GHR: variants seen among roughly 807,000 people sequenced by gnomAD.
GHR encodes GH receptor.
A neutral mutation model predicts 67.1 loss-of-function variants in GHR; 35 were observed. That is an observed-to-expected ratio of 0.52 (90% CI 0.40 to 0.69). The LOEUF (loss-of-function observed/expected upper bound fraction) is 0.69. Among genes scored for constraint, GHR ranks in the 30% least tolerant of loss-of-function variants. The pLI is 0.00. For missense variants in GHR, 792 were observed against 764.6 expected (o/e 1.04, Z -0.42); for synonymous variants, 272 against 269.1 (o/e 1.01, Z -0.10).
intron 3 of GHR, 38 bp downstream of exon 3, chr5:42,629,141 T>A: frequency 9.7e-7 from 1 of 1,034,700 alleles, no homozygotes. Flanking sequence ...TCAATGATAT[T>A]TTCCATGTTT....
chr5:42,455,632 T>C (rs1431429693), intron 1 of GHR, among the ~76,000 whole-genome samples: 1 of 152,234 alleles, frequency 6.6e-6, no homozygotes, highest in African/African-American at 2.4e-5. Flanking sequence ...GCTAAAAGTA[T>C]ACTCTGAAGC....
At chr5:42,713,767 G>T (rs752177726) in intron 8 of GHR, 2 of 426,206 alleles carry the variant, frequency 4.7e-6, no homozygotes, top group Non-Finnish European at 8.7e-6. Context: ...GGCTTAGGCT[G>T]GTGACTATGC....
chr5:42,655,430 G>C (rs1451884045), intron 3 of GHR, among the ~76,000 whole-genome samples: 2 of 152,116 alleles, frequency 1.3e-5, no homozygotes, highest in Non-Finnish European at 2.9e-5. Flanking sequence ...GGAACAGAAA[G>C]TGTTTGAATA....
rs1156623529 is a variant in GHR, at chr5:42,699,964, C to T, written c.580C>T (p.Leu194Phe). The T allele has an allele frequency of 8.1e-6, 13 of 1,602,640 alleles. No homozygotes were observed. The highest frequency in any genetic ancestry group is 1.0e-5 in the Non-Finnish European group (12 of 1,169,850). Residue 194 changes from leucine to phenylalanine, a missense_variant, in exon 6 of 10, where the codon CTT (leucine) becomes TTT (phenylalanine). Physicochemically the swap from Leu to Phe is conservative, Grantham distance 22 (BLOSUM62 0). Coordinates refer to ENST00000230882, the MANE Select transcript of GHR (RefSeq NM_000163.5). ...QKGWMVLEYE[L>F]QYKEVNETKW... ...AGGATGGATGGTTCTGGAGTATGAACTTCAATACAAAGAAGTAAATGAAAC... is the reference window on the plus strand; with the variant it reads ...AGGATGGATGGTTCTGGAGTATGAATTTCAATACAAAGAAGTAAATGAAAC...
chr5:42,647,877 G>A, intron 3 of GHR: 1 of 227,516 alleles, frequency 4.4e-6, no homozygotes, highest in Non-Finnish European at 8.9e-6. Context: ...TGGTCCAGTG[G>A]TTCTAGATTT....
chr5:42,513,736 C>G (rs953364284), intron 1 of GHR, among the ~76,000 whole-genome samples: 1 of 151,734 alleles, frequency 6.6e-6, no homozygotes, highest in South Asian at 2.1e-4. Context: ...GAGCCAAGAT[C>G]GCGCCATTGC....
rs372484716 is a variant in GHR at position 42,518,934 on chromosome 5, G to A, written c.-11-46930G>A. 3.3e-5 allele frequency among the ~76,000 whole-genome samples: 5 copies of A among 152,216 alleles called. No homozygotes were observed. In the East Asian group the frequency reaches 5.8e-4, roughly 18 times the overall value. On this transcript the variant is annotated intron_variant, in intron 1 of 9. Coordinates refer to ENST00000230882, the MANE Select transcript of GHR (RefSeq NM_000163.5). ...GTCATGTGACTTTTTCTTGGTATTC[G>A]AGAGCCAGGAGGCTCTTGTGGTCTA...
rs186067524 is a variant in GHR at position 42,518,528 on chromosome 5, A to G, written c.-11-47336A>G. ...TATAGTGCTTTCTCCTGGCAGAGTT[A>G]ACCTCATCTTCATCAGCTTTTCCCC... is the stretch of plus-strand genomic sequence containing the variant. On this transcript the variant is annotated intron_variant, in intron 1 of 9. Coordinates refer to ENST00000230882, the MANE Select transcript of GHR (RefSeq NM_000163.5). Among the ~76,000 whole-genome samples, 235 of 152,290 alleles carry G rather than the reference A, an allele frequency of 1.5e-3. 2 individuals are homozygous for G. The highest frequency in any genetic ancestry group is 5.2e-3 in the African/African-American group (218 of 41,578).
intron 2 of GHR, among the ~76,000 whole-genome samples, chr5:42,615,838 C>G (rs979423290): frequency 6.6e-6 from 1 of 151,830 alleles, no homozygotes; most frequent in East Asian, 1.9e-4. Context: ...ATATGCCAAT[C>G]TATTGTAAGA....
intron 1 of GHR, among the ~76,000 whole-genome samples, chr5:42,451,770 C>T (rs1040653423): frequency 2.0e-5 from 3 of 151,390 alleles, no homozygotes; most frequent in African/African-American, 7.3e-5. Flanking sequence ...TCTTTTTCCA[C>T]TTCTTTACCT....
rs1344860776 is a variant in GHR at position 42,579,151 on chromosome 5, T to TAG, written c.70+13208_70+13209insGA. Among the ~76,000 whole-genome samples the TAG allele has an allele frequency of 8.2e-3, 716 of 87,720 alleles. 5 individuals are homozygous for TAG. Among genetic ancestry groups the TAG allele is most frequent in the East Asian group, 0.018 (68 of 3,678 alleles). The allele number at this position is 87,720 out of a possible 152,430, so 57.5% of individuals were successfully genotyped here. On this transcript the variant is annotated intron_variant, in intron 2 of 9. Transcript: ENST00000230882. ...GATAGATAGATAGATGATAGATAGATATAGATAGATAGATAGATAGATAGA... is the reference window on the plus strand; with the variant it reads ...GATAGATAGATAGATGATAGATAGATAGATAGATAGATAGATAGATAGATAGA...
At position 42,510,834 on chromosome 5, in the gene GHR, C is replaced by T. The variant is rs899715612; in HGVS notation, c.-11-55030C>T. Among the ~76,000 whole-genome samples, 5 of 152,102 alleles carry T rather than the reference C, an allele frequency of 3.3e-5. 1 individual carries two copies. The South Asian group carries it at 8.3e-4, about 25-fold the overall frequency. On this transcript the variant is annotated intron_variant, in intron 1 of 9. Coordinates refer to ENST00000230882, the MANE Select transcript of GHR (RefSeq NM_000163.5). ...GATAGCTTTGCCTGGTGGGAGAGGGCGTATTTCTTGGGAGACACCTCTGGG... is the reference window on the plus strand; with the variant it reads ...GATAGCTTTGCCTGGTGGGAGAGGGTGTATTTCTTGGGAGACACCTCTGGG...
chr5:42,487,174 C>G (rs1745922062), intron 1 of GHR, among the ~76,000 whole-genome samples: 3 of 152,198 alleles, frequency 2.0e-5, no homozygotes, highest in Non-Finnish European at 4.4e-5. Context: ...TACTTAAGGA[C>G]TTTGTTATGT....
intron 1 of GHR, among the ~76,000 whole-genome samples, chr5:42,543,376 G>C (rs1271146971): frequency 6.6e-6 from 1 of 152,034 alleles, no homozygotes; most frequent in Non-Finnish European, 1.5e-5. Flanking sequence ...ATATCATTAT[G>C]GTTTTAATTT....
At chr5:42,532,634 A>G (rs1748025905) in intron 1 of GHR, among the ~76,000 whole-genome samples, 1 of 152,134 alleles carries the variant, frequency 6.6e-6, no homozygotes. Flanking sequence ...CTTTTACTAC[A>G]TATATGAAGC....
chr5:42,448,412 C>G (rs1743905193), intron 1 of GHR, among the ~76,000 whole-genome samples: 1 of 151,934 alleles, frequency 6.6e-6, no homozygotes, highest in Admixed American at 6.6e-5. Context: ...ATTGTCTATT[C>G]ATGTCCTTTG....
At chr5:42,520,935 C>T (rs1290895511) in intron 1 of GHR, among the ~76,000 whole-genome samples, 1 of 152,156 alleles carries the variant, frequency 6.6e-6, no homozygotes, top group Non-Finnish European at 1.5e-5. Context: ...ATCACATCAC[C>T]TATTGGACTA....
intron 1 of GHR, among the ~76,000 whole-genome samples, chr5:42,474,746 G>C (rs1160926282): frequency 6.6e-6 from 1 of 152,018 alleles, no homozygotes; most frequent in Non-Finnish European, 1.5e-5. Flanking sequence ...AATCAAAGAG[G>C]AATGGGTAGT....
intron 6 of GHR, among the ~76,000 whole-genome samples, chr5:42,710,147 G>A (rs2111810338): frequency 6.6e-6 from 1 of 152,032 alleles, no homozygotes; most frequent in East Asian, 1.9e-4. Flanking sequence ...TATATTCAGA[G>A]GCTTCTATAA....
Sources: gnomAD v4.1 joint callset for allele counts (sites outside exome capture counted in the v4.1 genomes callset) on GRCh38, gnomAD v4.1.1 for gene constraint, MANE v1.5 for transcripts, NCBI Gene and HGNC (gene_info 2026-07-23, HGNC 2026-07-21) for gene names.